Variants in STPG2 observed in about 807,000 individuals in gnomAD.
STPG2 encodes the protein sperm-tail PG-rich repeat-containing protein 2.
In STPG2, 56 loss-of-function variants were observed where a neutral mutation model predicts 54.2. The ratio of observed to expected loss-of-function variants is 1.03; its 90% confidence interval spans 0.83 to 1.29. The LOEUF (loss-of-function observed/expected upper bound fraction) is 1.29, where lower values mean the gene tolerates loss of function less well. STPG2 is among the 50% of genes most tolerant of loss of function. The pLI, the probability that STPG2 is intolerant of heterozygous loss-of-function variation, is 0.00. For synonymous variants in STPG2, 200 were observed against 181.8 expected (o/e 1.10, Z -0.81); for missense variants, 596 against 544.9 (o/e 1.09, Z -0.93).
intron 8 of STPG2, among the ~76,000 whole-genome samples, chr4:97,846,508 C>T (rs1431649628): frequency 6.6e-6 from 1 of 151,580 alleles, no homozygotes; most frequent in African/African-American, 2.4e-5. Context: ...GCCTGTAATC[C>T]CAGCTACTCA....
intron 8 of STPG2, among the ~76,000 whole-genome samples, chr4:97,939,388 G>C (rs1429893603): frequency 6.6e-6 from 1 of 152,162 alleles, no homozygotes; most frequent in East Asian, 1.9e-4. Flanking sequence ...TCAATGATCT[G>C]TCTAATACCG....
rs74492797 is a variant in STPG2, at chr4:97,859,860, C to T, written c.1045-18928G>A. Among the ~76,000 whole-genome samples, 241 of 152,274 alleles carry T rather than the reference C, an allele frequency of 1.6e-3. 2 individuals carry two copies. In the East Asian group the frequency reaches 0.026, roughly 16 times the overall value. On this transcript the variant is annotated intron_variant, in intron 8 of 10. Transcript: ENST00000295268. ...TTCTAGAATTTTTATGGTTTCAGGTCTCAGATTTAAGTATTTGATCCATCT... is the reference window on the plus strand; with the variant it reads ...TTCTAGAATTTTTATGGTTTCAGGTTTCAGATTTAAGTATTTGATCCATCT...
At chr4:97,786,323 T>A (rs967829824) in intron 9 of STPG2, among the ~76,000 whole-genome samples, 5 of 152,128 alleles carry the variant, frequency 3.3e-5, no homozygotes, top group Non-Finnish European at 7.4e-5. Context: ...ATTTACTTTC[T>A]TAATTTTTTT....
rs1279413316 is a variant in STPG2 at position 97,738,290 on chromosome 4, G to T, written c.1205-25476C>A. 2.6e-5 allele frequency among the ~76,000 whole-genome samples: 4 copies of T among 152,296 alleles called. No individual in the cohort carries two copies. The East Asian group carries it at 7.7e-4, about 29-fold the overall frequency. ...TTGTAAAGACCATCGAGGCTAGGAA[G>T]AAACTGCATCAACTAACGAGCAAAA... On this transcript the variant is annotated intron_variant, in intron 9 of 10. Coordinates refer to ENST00000295268, the MANE Select transcript of STPG2 (RefSeq NM_174952.3).
intron 5 of STPG2, among the ~76,000 whole-genome samples, chr4:98,067,873 C>T (rs528831138): frequency 6.6e-6 from 1 of 152,080 alleles, no homozygotes; most frequent in Non-Finnish European, 1.5e-5. Context: ...TCTTAAGTCT[C>T]TGTAGTAAGA....
In STPG2 at chr4:97,537,372, A is replaced by C. The variant is rs576578529; in HGVS notation, c.462+175327T>G. ...AATATTGCACATTTCCAACAGTCTT[A>C]GCAAATGGCACACCATGGGATTATA... On this transcript the variant is annotated intron_variant, in intron 4 of 4. Coordinates refer to the STPG2 transcript ENST00000522676. Among the ~76,000 whole-genome samples the C allele has an allele frequency of 3.5e-3, 528 of 152,338 alleles. 4 individuals carry two copies. The highest frequency in any genetic ancestry group is 0.012 in the African/African-American group (491 of 41,590).
At chr4:97,529,539 A>G (rs1731366411) in intron 4 of STPG2, among the ~76,000 whole-genome samples, 1 of 152,058 alleles carries the variant, frequency 6.6e-6, no homozygotes, top group Admixed American at 6.6e-5. Context: ...ATTGTTTGGA[A>G]TCGTTTCAGC....
At chr4:98,106,614 C>CTA (rs1251713701) in intron 4 of STPG2, among the ~76,000 whole-genome samples, 2 of 152,258 alleles carry the variant, frequency 1.3e-5, no homozygotes, top group South Asian at 2.1e-4. Context: ...GCATTGCTAC[C>CTA]TACTGCTACC....
At chr4:97,635,415 G>C (rs1215609226) in intron 10 of STPG2, among the ~76,000 whole-genome samples, 3 of 152,144 alleles carry the variant, frequency 2.0e-5, no homozygotes, top group African/African-American at 7.2e-5. Flanking sequence ...ATTGAGACTA[G>C]GAAGAAACTG....
chr4:98,116,469 A>G lies in STPG2; in HGVS notation c.388-7164T>C, dbSNP rs549567350. ...CAAGGACTAATAACTATTAAGTGGT[A>G]GAGTCAGGACACATAACCAGGAAGT... On this transcript the variant is annotated intron_variant, in intron 3 of 10. Transcript: ENST00000295268. Among the ~76,000 whole-genome samples the G allele has an allele frequency of 1.2e-3, 187 of 152,034 alleles. 1 individual carries two copies. The highest frequency in any genetic ancestry group is 4.3e-3 in the African/African-American group (178 of 41,548).
chr4:97,903,387 GA>G (rs1349751960), intron 8 of STPG2, among the ~76,000 whole-genome samples: 1 of 149,588 alleles, frequency 6.7e-6, no homozygotes, highest in Non-Finnish European at 1.5e-5. Context: ...ATTATAGCTG[GA>G]AAAAATTAAA....
chr4:97,639,338 C>T, intron 10 of STPG2, among the ~76,000 whole-genome samples: 1 of 137,616 alleles, frequency 7.3e-6, no homozygotes, highest in South Asian at 2.4e-4. Flanking sequence ...ACTCTGGGGA[C>T]TGTTGTGGGG....
intron 10 of STPG2, among the ~76,000 whole-genome samples, chr4:97,573,522 T>C (rs571537026): frequency 6.6e-6 from 1 of 151,918 alleles, no homozygotes; most frequent in East Asian, 1.9e-4. Context: ...TATATATTTA[T>C]TATTAACATA....
intron 7 of STPG2, among the ~76,000 whole-genome samples, chr4:97,956,189 C>T (rs191220587): frequency 1.1e-3 from 173 of 152,052 alleles, no homozygotes; most frequent in African/African-American, 3.8e-3. Flanking sequence ...CTGAGTCAGT[C>T]TTATTGAGAA....
intron 9 of STPG2, among the ~76,000 whole-genome samples, chr4:97,738,122 GT>G (rs1301428071): frequency 6.6e-6 from 1 of 152,126 alleles, no homozygotes; most frequent in Non-Finnish European, 1.5e-5. Flanking sequence ...AACTTCATAA[GT>G]GAAGGAGAAA....
At chr4:97,760,938 C>T (rs964429723) in intron 9 of STPG2, among the ~76,000 whole-genome samples, 4 of 152,310 alleles carry the variant, frequency 2.6e-5, no homozygotes, top group South Asian at 2.1e-4. Flanking sequence ...TCCTGGGCTA[C>T]TGGCCCCCAT....
intron 8 of STPG2, among the ~76,000 whole-genome samples, chr4:97,912,388 G>T (rs1237478174): frequency 6.6e-6 from 1 of 152,222 alleles, no homozygotes; most frequent in South Asian, 2.1e-4. Flanking sequence ...AAAGGAACAT[G>T]TTGTAACCCA....
At chr4:97,733,682 C>T (rs1724880388) in intron 9 of STPG2, among the ~76,000 whole-genome samples, 2 of 152,080 alleles carry the variant, frequency 1.3e-5, no homozygotes. Context: ...TCCTGCAGTT[C>T]CTTCACTCAC....
intron 10 of STPG2, among the ~76,000 whole-genome samples, chr4:97,671,933 A>G (rs531887648): frequency 6.6e-6 from 1 of 152,278 alleles, no homozygotes; most frequent in South Asian, 2.1e-4. Context: ...TAAAAAATAA[A>G]AACTCTATCC....
Sources: allele counts gnomAD v4.1 joint callset (sites outside exome capture counted in the v4.1 genomes callset), GRCh38; gene constraint gnomAD v4.1.1; transcripts MANE v1.5; gene names NCBI Gene and HGNC (gene_info 2026-07-23, HGNC 2026-07-21).